Variants in NDE1 observed in about 807,000 individuals in gnomAD.
NDE1 encodes nuclear distribution protein nudE homolog 1.
In NDE1, 28 loss-of-function variants were observed where a neutral mutation model predicts 43.4. The observed-to-expected ratio is 0.65, with a 90% CI of 0.48 to 0.89. NDE1 has a LOEUF of 0.89. Ranked by LOEUF, NDE1 falls within the 40% of genes least tolerant of loss-of-function variation. The pLI, the probability that NDE1 is intolerant of heterozygous loss-of-function variation, is 0.00. For missense variants in NDE1, 441 were observed against 434.1 expected (o/e 1.02, Z -0.14); for synonymous variants, 184 against 172.0 (o/e 1.07, Z -0.55).
chr16:15,679,849 G>A (rs1478703085), intron 4 of NDE1, among the ~76,000 whole-genome samples: 1 of 152,146 alleles, frequency 6.6e-6, no homozygotes, highest in Non-Finnish European at 1.5e-5. Context: ...TGCGATCTCT[G>A]CTCACTGCAA....
intron 8 of NDE1, among the ~76,000 whole-genome samples, chr16:15,697,399 G>A (rs2039064073): frequency 6.6e-6 from 1 of 152,112 alleles, no homozygotes; most frequent in Admixed American, 6.6e-5. Context: ...TACACTGTGA[G>A]AATGTCCTGT....
In NDE1 at chr16:15,694,189, C is replaced by A. The variant is rs946810919; in HGVS notation, c.728C>A (p.Thr243Asn). 5.0e-6 allele frequency: 8 copies of A among 1,612,806 alleles called. No individual in the cohort carries two copies. Among genetic ancestry groups the A allele is most frequent in the Non-Finnish European group, 6.8e-6 (8 of 1,179,960 alleles). ...RRGLDDSTGG[T>N]PLTPAARISA... ...GGCCTGGACGACTCCACCGGGGGGACCCCCCTCACACCTGCGGCCCGGATA... is the reference window on the plus strand; with the variant it reads ...GGCCTGGACGACTCCACCGGGGGGAACCCCCTCACACCTGCGGCCCGGATA... Residue 243 changes from threonine to asparagine, a missense_variant, in exon 7 of 9, where the codon ACC becomes AAC. Coordinates refer to ENST00000396354, the MANE Select transcript of NDE1 (RefSeq NM_017668.3).
At chr16:15,667,498 A>G (rs898654610) in intron 3 of NDE1, 59 bp downstream of exon 3, 25 of 1,599,952 alleles carry the variant, frequency 1.6e-5, no homozygotes, top group Non-Finnish European at 2.1e-5. Context: ...CAGGCATGGC[A>G]TGCTTGGCTG....
At chr16:15,646,602 A>G (rs1472243565), upstream of NDE1, among the ~76,000 whole-genome samples, 1 of 151,446 alleles carries the variant, frequency 6.6e-6, no homozygotes, top group African/African-American at 2.4e-5. Context: ...AAAAAATCCA[A>G]GGGGGGTTAA....
chr16:15,716,007 G>A (rs148853286), intron 8 of NDE1, among the ~76,000 whole-genome samples: 170 of 152,248 alleles, frequency 1.1e-3, no homozygotes, highest in African/African-American at 3.8e-3. Flanking sequence ...TGCACCTGTA[G>A]TCCCAGCTAC....
rs1166247730 is a variant in NDE1 at position 15,696,779 on chromosome 16, C to T, written c.866C>T (p.Pro289Leu). The stretch of plus-strand genomic sequence containing the variant: ...CAGTCCCCAAACCGAACAGGTGGCC[C>T]AGCCTCTGGGCGGAGCAGCAAGAAC... Reference protein sequence around the residue: ...YDQSPNRTGGPASGRSSKNRD... With the variant: ...YDQSPNRTGGLASGRSSKNRD... Residue 289 changes from proline (P) to leucine (L), a missense_variant, in exon 8 of 9, where the codon CCA (proline) becomes CTA (leucine). Transcript: ENST00000396354. 1 of 1,614,106 alleles carries T rather than the reference C, an allele frequency of 6.2e-7. No homozygotes were observed. Among genetic ancestry groups the T allele is most frequent in the Non-Finnish European group, 8.5e-7 (1 of 1,180,054 alleles).
At chr16:15,722,863 C>A (rs1356514451) in intron 8 of NDE1, among the ~76,000 whole-genome samples, 1 of 152,210 alleles carries the variant, frequency 6.6e-6, no homozygotes, top group Non-Finnish European at 1.5e-5. Context: ...CCTGCCTCAG[C>A]TTCCAGAGTA....
At chr16:15,724,058 G>A in intron 8 of NDE1, 133 bp from the exon 9 acceptor site, 1 of 1,579,132 alleles carries the variant, frequency 6.3e-7, no homozygotes, top group South Asian at 1.1e-5. Context: ...ACAGAGTGGA[G>A]AGGGGATGCA....
chr16:15,681,030 C>T lies in NDE1; in HGVS notation c.386+3081C>T, dbSNP rs2038147727. 2.0e-5 allele frequency among the ~76,000 whole-genome samples: 3 copies of T among 150,388 alleles called. No homozygotes were observed. In the Admixed American group the frequency reaches 2.0e-4, roughly 10 times the overall value. Reference sequence around the variant, plus strand: ...ATCAGTTACATCTTTTTTTAAATACCTTCTAGGTTTGCAGATTTCACTAGG... The same window carrying T: ...ATCAGTTACATCTTTTTTTAAATACTTTCTAGGTTTGCAGATTTCACTAGG... On this transcript the variant is annotated intron_variant, in intron 4 of 8. Coordinates refer to ENST00000396354, the MANE Select transcript of NDE1 (RefSeq NM_017668.3).
intron 8 of NDE1, among the ~76,000 whole-genome samples, chr16:15,716,536 G>A (rs1045668793): frequency 2.0e-5 from 3 of 152,094 alleles, no homozygotes; most frequent in Admixed American, 6.6e-5. Flanking sequence ...GTGTGTGTAT[G>A]TGTGTGGAAG....
At position 15,721,921 on chromosome 16, in the gene NDE1, A is replaced by G. The variant is rs150763893; in HGVS notation, c.948-2270A>G. ...CACCCAGGCTGGAGTGCAATGGTGC[A>G]GTCTTGGTTCACTGCAACCTCCGCC... On this transcript the variant is annotated intron_variant, in intron 8 of 8. Coordinates refer to ENST00000396354, the MANE Select transcript of NDE1 (RefSeq NM_017668.3). 0.026 allele frequency among the ~76,000 whole-genome samples: 4,024 copies of G among 152,068 alleles called. 180 individuals are homozygous for G. Among genetic ancestry groups the G allele is most frequent in the African/African-American group, 0.091 (3,784 of 41,472 alleles).
chr16:15,704,232 AT>A (rs372266248), intron 8 of NDE1: 47 of 1,349,590 alleles, frequency 3.5e-5, no homozygotes, highest in African/African-American at 2.1e-4. Flanking sequence ...TGCAATATAA[AT>A]TTTTTTTATG....
intron 4 of NDE1, among the ~76,000 whole-genome samples, chr16:15,681,182 A>G (rs1314025339): frequency 7.2e-6 from 1 of 138,980 alleles, no homozygotes; most frequent in Non-Finnish European, 1.5e-5. Flanking sequence ...CTAGTATAAG[A>G]TACAAGTTCA....
chr16:15,653,691 A>G (rs2036611563), intron 1 of NDE1, among the ~76,000 whole-genome samples: 1 of 150,858 alleles, frequency 6.6e-6, no homozygotes, highest in African/African-American at 2.4e-5. Context: ...GTTAGCTTTA[A>G]TCATGTAAAA....
At chr16:15,699,192 T>G (rs1429227414) in intron 8 of NDE1, among the ~76,000 whole-genome samples, 3 of 152,046 alleles carry the variant, frequency 2.0e-5, no homozygotes, top group Non-Finnish European at 2.9e-5. Context: ...TTCAGATTAA[T>G]TTTCCAGGCG....
intron 1 of NDE1, among the ~76,000 whole-genome samples, chr16:15,653,117 G>C (rs1280678002): frequency 6.6e-6 from 1 of 152,128 alleles, no homozygotes; most frequent in Non-Finnish European, 1.5e-5. Flanking sequence ...TGTACAGAGA[G>C]AGGGAAATAA....
intron 4 of NDE1, chr16:15,686,423 C>G (rs552073647): frequency 2.0e-6 from 2 of 985,318 alleles, no homozygotes; most frequent in East Asian, 2.3e-4. Context: ...GTGTTTATGC[C>G]CTTCACAAGA....
intron 4 of NDE1, chr16:15,686,583 C>A: frequency 1.0e-6 from 1 of 973,690 alleles, no homozygotes; most frequent in Non-Finnish European, 1.2e-6. Flanking sequence ...GAGGCTGAGG[C>A]GGGAGGATCT....
rs753178827 is a variant in NDE1, at chr16:15,724,839, G to C, written c.*588G>C. 6.2e-7 allele frequency: 1 copy of C among 1,613,478 alleles called. No individual in the cohort carries two copies. Among genetic ancestry groups the C allele is most frequent in the African/African-American group, 1.3e-5 (1 of 74,910 alleles). On this transcript the variant is annotated 3_prime_UTR_variant, in exon 9 of 9. Coordinates refer to ENST00000396354, the MANE Select transcript of NDE1 (RefSeq NM_017668.3). ...CAAAGAGGTCCCAGGGACCTGCCCC[G>C]AGGAAGGCCACCCCCCAGGTCCCCT...
Sources: gnomAD v4.1 joint callset for allele counts (sites outside exome capture counted in the v4.1 genomes callset) on GRCh38, gnomAD v4.1.1 for gene constraint, MANE v1.5 for transcripts, NCBI Gene and HGNC (gene_info 2026-07-23, HGNC 2026-07-21) for gene names.